PPM1E: variants seen among roughly 807,000 people sequenced by gnomAD.
PPM1E encodes protein phosphatase, Mg2+/Mn2+ dependent 1E.
A neutral mutation model predicts 65.9 loss-of-function variants in PPM1E; 20 were observed. The observed-to-expected ratio is 0.30, with a 90% CI of 0.21 to 0.44. The LOEUF (loss-of-function observed/expected upper bound fraction) is 0.44. Ranked by LOEUF, PPM1E falls within the 20% of genes least tolerant of loss-of-function variation. The probability of loss-of-function intolerance (pLI) is 1.00; values close to 1 mark genes in which losing one functional copy is unlikely to be tolerated. For missense variants in PPM1E, 713 were observed against 953.1 expected (o/e 0.75, Z 3.32); for synonymous variants, 352 against 374.9 (o/e 0.94, Z 0.70).
intron 1 of PPM1E, among the ~76,000 whole-genome samples, chr17:58,928,722 G>A (rs1341064581): frequency 1.4e-5 from 2 of 143,316 alleles, no homozygotes; most frequent in Non-Finnish European, 3.0e-5. Context: ...TTTTTTTTGA[G>A]ACAGAGTTTT....
At chr17:58,771,789 G>A (rs918772398) in intron 1 of PPM1E, among the ~76,000 whole-genome samples, 1 of 151,898 alleles carries the variant, frequency 6.6e-6, no homozygotes, top group African/African-American at 2.4e-5. Flanking sequence ...TTTTTATAAT[G>A]GAAGTAATAT....
intron 1 of PPM1E, among the ~76,000 whole-genome samples, chr17:58,953,744 ATC>A (rs1260874964): frequency 1.1e-5 from 1 of 89,774 alleles, no homozygotes; most frequent in Non-Finnish European, 2.0e-5. Context: ...AGATATTTCC[ATC>A]TTTTTTTTTT....
intron 1 of PPM1E, among the ~76,000 whole-genome samples, chr17:58,843,248 C>T (rs2050738023): frequency 6.6e-6 from 1 of 151,276 alleles, no homozygotes; most frequent in Admixed American, 6.6e-5. Flanking sequence ...ATGGCATGAA[C>T]CTGAGAGGCG....
intron 1 of PPM1E, among the ~76,000 whole-genome samples, chr17:58,819,631 T>C (rs949545538): frequency 1.3e-5 from 2 of 152,084 alleles, no homozygotes; most frequent in Non-Finnish European, 2.9e-5. Flanking sequence ...GGCTTCTGCT[T>C]CTGGGGAGGC....
chr17:58,976,381 T>C (rs1307985916), intron 6 of PPM1E, among the ~76,000 whole-genome samples: 1 of 152,004 alleles, frequency 6.6e-6, no homozygotes, highest in Non-Finnish European at 1.5e-5. Context: ...TTTACCAAAA[T>C]CCAGTAGCTT....
intron 3 of PPM1E, chr17:58,966,365 GAAAGA>G (rs2030243551): frequency 6.5e-6 from 1 of 154,664 alleles, no homozygotes; most frequent in Non-Finnish European, 1.1e-5. Context: ...AAAAAAAAAA[GAAAGA>G]AAAGAAAAAA....
intron 3 of PPM1E, 76 bp from the exon 4 acceptor site, chr17:58,969,459 CAACA>C: frequency 7.3e-7 from 1 of 1,367,234 alleles, no homozygotes; most frequent in African/African-American, 1.4e-5. Context: ...AAAGGATGGG[CAACA>C]ATGATGCCAG....
At chr17:58,935,619 A>C (rs144570788) in intron 1 of PPM1E, among the ~76,000 whole-genome samples, 1 of 152,276 alleles carries the variant, frequency 6.6e-6, no homozygotes, top group East Asian at 1.9e-4. Context: ...AAAGATAGTT[A>C]CCACTAAGCC....
At chr17:58,822,488 A>G (rs887147802) in intron 1 of PPM1E, among the ~76,000 whole-genome samples, 7 of 152,030 alleles carry the variant, frequency 4.6e-5, no homozygotes, top group Non-Finnish European at 1.0e-4. Flanking sequence ...GGTGTTTGCT[A>G]TATTGTTAGC....
At chr17:58,756,564 C>T (rs987081769) in intron 1 of PPM1E, 103 bp downstream of exon 1, 21 of 1,198,350 alleles carry the variant, frequency 1.8e-5, no homozygotes, top group South Asian at 8.4e-5. Context: ...TTCTGCTCCT[C>T]TCCCCCGCAC....
chr17:58,773,202 C>T (rs917097816), intron 1 of PPM1E, among the ~76,000 whole-genome samples: 3 of 152,094 alleles, frequency 2.0e-5, no homozygotes, highest in African/African-American at 4.8e-5. Context: ...TAAAACAGAT[C>T]CTTTCAAGGA....
intron 1 of PPM1E, among the ~76,000 whole-genome samples, chr17:58,766,591 CTA>C (rs1177816588): frequency 5.2e-5 from 7 of 135,192 alleles, no homozygotes; most frequent in South Asian, 2.4e-4. Context: ...GTATATTGTA[CTA>C]TATGTGTGTG....
intron 1 of PPM1E, among the ~76,000 whole-genome samples, chr17:58,928,896 G>A (rs765017869): frequency 8.6e-5 from 13 of 151,872 alleles, no homozygotes; most frequent in Non-Finnish European, 1.6e-4. Flanking sequence ...TAGAGACGAG[G>A]TTTCATCATG....
At chr17:58,910,241 C>G in intron 1 of PPM1E, among the ~76,000 whole-genome samples, 1 of 152,058 alleles carries the variant, frequency 6.6e-6, no homozygotes. Flanking sequence ...TGTATATCCT[C>G]AAGCTTAGAA....
chr17:58,910,260 C>G (rs747813170), intron 1 of PPM1E, among the ~76,000 whole-genome samples: 1 of 152,068 alleles, frequency 6.6e-6, no homozygotes, highest in Non-Finnish European at 1.5e-5. Context: ...AAATTCTTTC[C>G]TAAGCCAAGT....
chr17:58,927,598 A>G (rs546620588), intron 1 of PPM1E, among the ~76,000 whole-genome samples: 2 of 152,206 alleles, frequency 1.3e-5, no homozygotes, highest in Admixed American at 1.3e-4. Flanking sequence ...TTGTTACTGT[A>G]GCAGTGTTAC....
chr17:58,950,691 G>C (rs1393285227), intron 1 of PPM1E, among the ~76,000 whole-genome samples: 1 of 145,910 alleles, frequency 6.9e-6, no homozygotes, highest in Non-Finnish European at 1.5e-5. Context: ...TTTTTCTTCT[G>C]TTTGGTCTAG....
chr17:58,982,989 G>GT lies in PPM1E; in HGVS notation c.*1959dup. On this transcript the variant is annotated 3_prime_UTR_variant, in exon 7 of 7. Transcript: ENST00000308249. ...ATTATAGTCCAAAGTGCTTAGCGAAGTAAAAAAAAAAGCTTTTTAAAATTT... is the reference window on the plus strand; with the variant it reads ...ATTATAGTCCAAAGTGCTTAGCGAAGTTAAAAAAAAAAGCTTTTTAAAATTT... 2.2e-6 allele frequency: 3 copies of GT among 1,349,210 alleles called. No individual in the cohort carries two copies. Among genetic ancestry groups the GT allele is most frequent in the Non-Finnish European group, 3.1e-6 (3 of 982,188 alleles). 83.6% of individuals were successfully genotyped at this position (1,349,210 alleles called of 1,614,324 possible). A position where few individuals can be genotyped will look rare whatever the true frequency, so the allele number is the denominator to read the frequency against.
intron 1 of PPM1E, among the ~76,000 whole-genome samples, chr17:58,872,382 C>G (rs117250718): frequency 1.6e-4 from 24 of 152,150 alleles, no homozygotes; most frequent in South Asian, 4.1e-4. Flanking sequence ...CTGAGAGATG[C>G]CTTACTAGAT....
Sources: gnomAD v4.1 joint callset for allele counts (sites outside exome capture counted in the v4.1 genomes callset) on GRCh38, gnomAD v4.1.1 for gene constraint, MANE v1.5 for transcripts, NCBI Gene and HGNC (gene_info 2026-07-23, HGNC 2026-07-21) for gene names.